The following ZNF83 variants were observed in gnomAD, a reference collection of about 807,000 sequenced individuals.
ZNF83 encodes the protein zinc finger protein 816B.
For synonymous variants in ZNF83, 209 were observed against 213.0 expected (o/e 0.98, Z 0.17); for missense variants, 552 against 629.9 (o/e 0.88, Z 1.32).
intron 1 of ZNF83, among the ~76,000 whole-genome samples, chr19:52,682,357 C>T (rs2061936088): frequency 6.6e-6 from 1 of 152,002 alleles, no homozygotes; most frequent in African/African-American, 2.4e-5. Flanking sequence ...TGCACTTCAC[C>T]CTGGACAGAA....
At position 52,687,601 on chromosome 19, in the gene ZNF83, ATATATATATAATGTG is replaced by A. The variant is rs1568588894; in HGVS notation, c.-283+2827_-283+2841del. ...TTTTATATATATATATATATAATGT[ATATATATATAATGTG>A]TATATATATATATAATGTATATATA... On this transcript the variant is annotated intron_variant, in intron 1 of 5. Coordinates refer to the ZNF83 transcript ENST00000594682. 1.0e-4 allele frequency among the ~76,000 whole-genome samples: 3 copies of A among 29,416 alleles called. 1 individual carries two copies. Among genetic ancestry groups the A allele is most frequent in the African/African-American group, 4.0e-4 (3 of 7,440 alleles). The allele number at this position is 29,416 out of a possible 152,430, so 19.3% of individuals were successfully genotyped here.
intron 2 of ZNF83, among the ~76,000 whole-genome samples, chr19:52,630,085 C>G (rs7249936): frequency 1.3e-5 from 2 of 151,668 alleles, no homozygotes; most frequent in Non-Finnish European, 2.9e-5. Context: ...AAGGAATGCC[C>G]GCAGCCCAGG....
At chr19:52,613,254 G>C (rs2060167199) in exon 3 of ZNF83, 3 of 1,613,964 alleles carry the variant, frequency 1.9e-6, no homozygotes, top group Non-Finnish European at 2.5e-6. Context: ...TTAGACCGAA[G>C]ACCTTCCCAC....
chr19:52,689,445 T>A (rs185864896), intron 1 of ZNF83, among the ~76,000 whole-genome samples: 1 of 151,816 alleles, frequency 6.6e-6, no homozygotes, highest in South Asian at 2.1e-4. Context: ...GCTGTGCTTC[T>A]CCCTCTGTTC....
chr19:52,618,416 C>T (rs893019594), intron 2 of ZNF83: 1 of 155,358 alleles, frequency 6.4e-6, no homozygotes, highest in South Asian at 2.0e-4. Context: ...CCCACCACCA[C>T]ACCCGGCTAA....
At chr19:52,658,608 T>A (rs1034979805) in intron 2 of ZNF83, among the ~76,000 whole-genome samples, 1 of 152,124 alleles carries the variant, frequency 6.6e-6, no homozygotes, top group Admixed American at 6.6e-5. Context: ...GGGAAAGTTA[T>A]AGGGAATAGT....
upstream of ZNF83, among the ~76,000 whole-genome samples, chr19:52,638,745 G>A (rs55758340): frequency 0.011 from 1,600 of 152,346 alleles, 28 homozygotes; most frequent in African/African-American, 0.037. Context: ...TCCACGCTGT[G>A]CTCAGCTTTA....
rs928964071 is a variant in ZNF83, at chr19:52,614,517, C to A, written c.48G>T (p.Gln16His). ...GATGTGACTGCGGGTTTAATCCAAG[C>A]TGATTTTTAACAGGCTGCTTTTGTG... The change falls in exon 3 of 3, where the codon CAG (glutamine) becomes CAT (histidine). Residue 16 changes from glutamine (Q) to histidine (H), a missense_variant. Transcript: ENST00000301096. 29 of 1,602,524 alleles carry A rather than the reference C, an allele frequency of 1.8e-5. No homozygotes were observed. In the African/African-American group the frequency reaches 2.9e-4, roughly 16 times the overall value.
intron 3 of ZNF83, chr19:52,652,845 T>A (rs1448307504): frequency 3.9e-5 from 38 of 965,556 alleles, no homozygotes; most frequent in Admixed American, 7.1e-5. Context: ...TATGATGGCA[T>A]ACAAAGGATG....
At chr19:52,683,270 GTGTGTGTGTGTA>G (rs59868037) in intron 1 of ZNF83, among the ~76,000 whole-genome samples, 321 of 93,506 alleles carry the variant, frequency 3.4e-3, no homozygotes, top group African/African-American at 0.011. Context: ...GTGTGTGTGT[GTGTGTGTGTGTA>G]TGCTCACGTG....
intron 1 of ZNF83, among the ~76,000 whole-genome samples, chr19:52,688,768 A>G (rs1293332128): frequency 2.0e-5 from 3 of 152,144 alleles, no homozygotes; most frequent in Non-Finnish European, 4.4e-5. Flanking sequence ...ATTCACTCCA[A>G]GAAAAGTAAA....
intron 2 of ZNF83, among the ~76,000 whole-genome samples, chr19:52,660,107 C>T (rs189578237): frequency 1.3e-5 from 2 of 151,904 alleles, no homozygotes; most frequent in African/African-American, 2.4e-5. Context: ...AGGAGAATTG[C>T]GGTGGTAAGA....
chr19:52,673,743 A>T (rs373687357), intron 1 of ZNF83, among the ~76,000 whole-genome samples: 4 of 151,458 alleles, frequency 2.6e-5, no homozygotes, highest in East Asian at 3.9e-4. Flanking sequence ...AATAAATAAA[A>T]AATTATTAGG....
At chr19:52,688,359 G>T (rs538560752) in intron 1 of ZNF83, among the ~76,000 whole-genome samples, 2 of 150,124 alleles carry the variant, frequency 1.3e-5, no homozygotes, top group African/African-American at 4.9e-5. Flanking sequence ...TTTTGGCAGA[G>T]ATAAGGATCT....
At chr19:52,642,763 G>A (rs1035658381), upstream of ZNF83, among the ~76,000 whole-genome samples, 5 of 152,184 alleles carry the variant, frequency 3.3e-5, no homozygotes, top group Non-Finnish European at 4.4e-5. Flanking sequence ...CTGTGTGTCT[G>A]TGGTCCCAGC....
chr19:52,648,540 G>T (rs1231743967), intron 3 of ZNF83, among the ~76,000 whole-genome samples: 1 of 152,108 alleles, frequency 6.6e-6, no homozygotes, highest in Non-Finnish European at 1.5e-5. Flanking sequence ...TTTTACAAAT[G>T]TCTGTATTTA....
At chr19:52,634,978 CTTG>C in intron 2 of ZNF83, 85 bp downstream of exon 2, 4 of 452,458 alleles carry the variant, frequency 8.8e-6, no homozygotes, top group Middle Eastern at 3.2e-4. Flanking sequence ...CAGGACACTT[CTTG>C]AGACCCAGAG....
At chr19:52,682,931 C>T (rs1288868024) in intron 1 of ZNF83, among the ~76,000 whole-genome samples, 1 of 152,050 alleles carries the variant, frequency 6.6e-6, no homozygotes, top group African/African-American at 2.4e-5. Flanking sequence ...AGTACAGTGG[C>T]ACCATCTCGG....
At chr19:52,635,810 C>T (rs559571445) in intron 1 of ZNF83, 3 of 152,140 alleles carry the variant, frequency 2.0e-5, no homozygotes, top group African/African-American at 7.2e-5. Flanking sequence ...GCCTGGGCTA[C>T]ATGGTGAAAC....
Sources: allele counts gnomAD v4.1 joint callset (sites outside exome capture counted in the v4.1 genomes callset), GRCh38; gene constraint gnomAD v4.1.1; transcripts MANE v1.5; gene names NCBI Gene and HGNC (gene_info 2026-07-23, HGNC 2026-07-21).